HHAT: variants seen among roughly 807,000 people sequenced by gnomAD.
HHAT encodes hedgehog acyltransferase.
HHAT carries 47 observed loss-of-function variants against 70.8 expected under a neutral mutation model. The observed-to-expected ratio is 0.66, with a 90% CI of 0.53 to 0.85. The LOEUF (loss-of-function observed/expected upper bound fraction) is 0.85. Ranked by LOEUF, HHAT falls within the 40% of genes least tolerant of loss-of-function variation. The pLI is 0.00. For missense variants in HHAT, 609 were observed against 604.8 expected (o/e 1.01, Z -0.07); for synonymous variants, 228 against 247.6 (o/e 0.92, Z 0.74).
chr1:210,599,459 G>A (rs1175211182), intron 10 of HHAT, among the ~76,000 whole-genome samples: 4 of 152,022 alleles, frequency 2.6e-5, no homozygotes, highest in Non-Finnish European at 4.4e-5. Context: ...TATGGAGCTC[G>A]TGACCCCCTG....
At chr1:210,491,083 GTGTC>G (rs1553243034) in intron 8 of HHAT, among the ~76,000 whole-genome samples, 3 of 151,766 alleles carry the variant, frequency 2.0e-5, no homozygotes, top group African/African-American at 4.8e-5. Flanking sequence ...GTGTGTGTGT[GTGTC>G]TGTGTGTCTG....
intron 8 of HHAT, among the ~76,000 whole-genome samples, chr1:210,476,047 G>A (rs936186442): frequency 6.6e-6 from 1 of 152,228 alleles, no homozygotes; most frequent in Non-Finnish European, 1.5e-5. Context: ...CCATAAGTGT[G>A]TTTGCTCATA....
At chr1:210,348,752 T>TGTGTGC (rs1354760026) in intron 1 of HHAT, among the ~76,000 whole-genome samples, 181 bp from the exon 2 acceptor site, 1 of 151,426 alleles carries the variant, frequency 6.6e-6, no homozygotes, top group Non-Finnish European at 1.5e-5. Flanking sequence ...TGTGTGTGTG[T>TGTGTGC]GTGTGTGTGT....
intron 7 of HHAT, among the ~76,000 whole-genome samples, chr1:210,424,990 C>T (rs1049846816): frequency 6.6e-6 from 1 of 152,158 alleles, no homozygotes; most frequent in East Asian, 1.9e-4. Flanking sequence ...TCCTTTTTCT[C>T]CACAACCTGG....
upstream of HHAT, among the ~76,000 whole-genome samples, chr1:210,328,583 C>A (rs2084709003): frequency 6.6e-6 from 1 of 152,246 alleles, no homozygotes; most frequent in South Asian, 2.1e-4. Flanking sequence ...CCTCCTTTCG[C>A]CTACAAAACG....
chr1:210,579,689 C>T (rs1424131237), intron 9 of HHAT, among the ~76,000 whole-genome samples: 2 of 152,164 alleles, frequency 1.3e-5, no homozygotes, highest in African/African-American at 2.4e-5. Flanking sequence ...AGAGCAGGGC[C>T]AAGGTCACAT....
At chr1:210,498,745 T>TC (rs1456996158) in intron 8 of HHAT, among the ~76,000 whole-genome samples, 1 of 151,940 alleles carries the variant, frequency 6.6e-6, no homozygotes, top group Non-Finnish European at 1.5e-5. Context: ...ATGTATTGCT[T>TC]CCTTGCCTTG....
intron 11 of HHAT, among the ~76,000 whole-genome samples, chr1:210,626,400 AGTGGAGGGCTCT>A (rs1291755801): frequency 6.6e-6 from 1 of 152,138 alleles, no homozygotes; most frequent in African/African-American, 2.4e-5. Context: ...ATTCTATAAA[AGTGGAGGGCTCT>A]GTGGAATCAT....
chr1:210,671,057 A>G (rs1215510957), intron 11 of HHAT, among the ~76,000 whole-genome samples: 2 of 152,206 alleles, frequency 1.3e-5, no homozygotes, highest in Non-Finnish European at 2.9e-5. Flanking sequence ...TCTTGGGGAC[A>G]GTCTTCCTTA....
chr1:210,581,826 T>C (rs1659328046), intron 9 of HHAT, among the ~76,000 whole-genome samples: 1 of 152,198 alleles, frequency 6.6e-6, no homozygotes, highest in South Asian at 2.1e-4. Context: ...ATGGTGACAA[T>C]TTTTAACAAG....
At chr1:210,454,218 G>A (rs1015146701) in intron 7 of HHAT, among the ~76,000 whole-genome samples, 2 of 151,696 alleles carry the variant, frequency 1.3e-5, no homozygotes, top group Non-Finnish European at 2.9e-5. Flanking sequence ...GACTCTGCCT[G>A]AAAATGTGCT....
chr1:210,430,198 G>A (rs143130407), intron 7 of HHAT, among the ~76,000 whole-genome samples: 1 of 151,940 alleles, frequency 6.6e-6, no homozygotes, highest in East Asian at 1.9e-4. Context: ...CTCTTGATGA[G>A]CCTTTATTTG....
chr1:210,500,538 G>A (rs1370080267), intron 8 of HHAT, among the ~76,000 whole-genome samples: 2 of 152,078 alleles, frequency 1.3e-5, no homozygotes, highest in Non-Finnish European at 2.9e-5. Context: ...TGCTGAATCC[G>A]CTGTCTGTAC....
Position 210,578,632 on chromosome 1 carries a change from A to G in HHAT, c.1044-9266A>G, listed in dbSNP as rs145330207. 1.3e-3 allele frequency among the ~76,000 whole-genome samples: 202 copies of G among 152,362 alleles called. 1 individual carries two copies. The highest frequency in any genetic ancestry group is 4.0e-3 in the African/African-American group (167 of 41,596). On this transcript the variant is annotated intron_variant, in intron 9 of 11. Coordinates refer to ENST00000261458, the MANE Select transcript of HHAT (RefSeq NM_018194.6). ...TGGTATATACATACAATGTAATATT[A>G]TTCAGCCTCAAAAAAGAAGAAATTC... is the stretch of plus-strand genomic sequence containing the variant.
intron 11 of HHAT, among the ~76,000 whole-genome samples, chr1:210,638,166 AT>A (rs1429212068): frequency 6.6e-6 from 1 of 152,250 alleles, no homozygotes; most frequent in African/African-American, 2.4e-5. Context: ...GAGTTACTAT[AT>A]GACATAGCAA....
chr1:210,565,406 T>A (rs2501908), intron 9 of HHAT, among the ~76,000 whole-genome samples: 134,599 of 152,184 alleles, frequency 0.88, 60,130 homozygotes, highest in Non-Finnish European at 0.94. Context: ...TCTGATGTGT[T>A]GCACAGTATC....
At chr1:210,480,414 G>A (rs563988945) in intron 8 of HHAT, among the ~76,000 whole-genome samples, 3 of 152,254 alleles carry the variant, frequency 2.0e-5, no homozygotes, top group East Asian at 3.9e-4. Context: ...CACATGCTTC[G>A]TGTTCCAGTA....
intron 9 of HHAT, among the ~76,000 whole-genome samples, chr1:210,531,903 T>C (rs1370156434): frequency 2.0e-5 from 3 of 152,176 alleles, no homozygotes; most frequent in East Asian, 1.9e-4. Context: ...ACAAGACAGA[T>C]AGAAGAGCAT....
intron 10 of HHAT, among the ~76,000 whole-genome samples, chr1:210,603,677 T>C (rs1183676906): frequency 2.6e-5 from 4 of 152,224 alleles, no homozygotes; most frequent in Non-Finnish European, 5.9e-5. Context: ...TGACTATATG[T>C]GTGCAACGTG....
Sources: gnomAD v4.1 joint callset for allele counts (sites outside exome capture counted in the v4.1 genomes callset) on GRCh38, gnomAD v4.1.1 for gene constraint, MANE v1.5 for transcripts, NCBI Gene and HGNC (gene_info 2026-07-23, HGNC 2026-07-21) for gene names.